Variants in THAP4 observed in about 807,000 individuals in gnomAD.
THAP4 encodes the protein THAP domain containing 4, also known as peroxynitrite isomerase THAP4.
THAP4 carries 18 observed loss-of-function variants against 48.1 expected under a neutral mutation model. The observed-to-expected ratio is 0.37, with a 90% CI of 0.26 to 0.56. THAP4 has a LOEUF of 0.56. Among genes scored for constraint, THAP4 ranks in the 20% least tolerant of loss-of-function variants. The pLI is 0.78. For synonymous variants in THAP4, 345 were observed against 324.9 expected, an observed-to-expected ratio of 1.06 and a Z score of -0.66; for missense variants, 656 against 774.9, an observed-to-expected ratio of 0.85 and a Z score of 1.82.
At chr2:241,606,701 G>A (rs2067188341) in intron 2 of THAP4, among the ~76,000 whole-genome samples, 1 of 152,186 alleles carries the variant, frequency 6.6e-6, no homozygotes, top group African/African-American at 2.4e-5. Flanking sequence ...TCCAACAGGG[G>A]CCAGGCAGGG....
intron 1 of THAP4, among the ~76,000 whole-genome samples, chr2:241,634,467 G>A (rs535133290): frequency 5.3e-5 from 8 of 152,308 alleles, no homozygotes; most frequent in East Asian, 3.9e-4. Flanking sequence ...TTGCCTGGAA[G>A]GTAGGACTCT....
intron 2 of THAP4, among the ~76,000 whole-genome samples, chr2:241,632,036 T>A (rs2067570008): frequency 6.6e-6 from 1 of 151,990 alleles, no homozygotes; most frequent in Admixed American, 6.6e-5. Flanking sequence ...GCCTCCTGAG[T>A]AGCTGGCATT....
intron 3 of THAP4, among the ~76,000 whole-genome samples, chr2:241,604,751 TCTCA>T (rs1253958951): frequency 6.6e-6 from 1 of 151,974 alleles, no homozygotes; most frequent in Non-Finnish European, 1.5e-5. Context: ...TTTTTTAGGG[TCTCA>T]CTGTGTTGCC....
chr2:241,637,538 C>A (rs751456913), upstream of THAP4: 198 of 1,453,206 alleles, frequency 1.4e-4, no homozygotes, highest in Non-Finnish European at 1.6e-4. Flanking sequence ...CCGGGGCTCG[C>A]GTCGGCCCGG....
In THAP4 at chr2:241,617,387, C is replaced by T; in HGVS notation, c.1241-10914G>A. On this transcript the variant is annotated intron_variant, in intron 2 of 5. Transcript: ENST00000407315. The stretch of plus-strand genomic sequence containing the variant: ...AGAAATTTAAATTTTCATGTTTTGG[C>T]CCAAGACACTGAAAGCAGGCTTACC... The T allele has an allele frequency of 2.7e-6, 4 of 1,488,344 alleles. No homozygotes were observed. The South Asian group carries it at 4.8e-5, about 18-fold the overall frequency. The allele number at this position is 1,488,344 out of a possible 1,614,324, so 92.2% of individuals were successfully genotyped here.
chr2:241,628,914 TG>T (rs2067525912), intron 2 of THAP4, among the ~76,000 whole-genome samples: 1 of 108,118 alleles, frequency 9.2e-6, no homozygotes, highest in Admixed American at 1.2e-4. Context: ...CACTCCAGTC[TG>T]AGATTGTCTC....
chr2:241,606,788 AG>A (rs1403209568), intron 2 of THAP4, among the ~76,000 whole-genome samples: 1 of 152,168 alleles, frequency 6.6e-6, no homozygotes, highest in Non-Finnish European at 1.5e-5. Flanking sequence ...GGTGGTGGGA[AG>A]GGATACTGAG....
At chr2:241,614,009 C>A (rs1473635804) in intron 2 of THAP4, among the ~76,000 whole-genome samples, 1 of 151,970 alleles carries the variant, frequency 6.6e-6, no homozygotes, top group Non-Finnish European at 1.5e-5. Flanking sequence ...AAAAAATTAG[C>A]CAGGCATGGT....
chr2:241,621,630 C>T (rs1261084374), intron 2 of THAP4, among the ~76,000 whole-genome samples: 1 of 151,854 alleles, frequency 6.6e-6, no homozygotes, highest in African/African-American at 2.4e-5. Flanking sequence ...AAAAAAAAAT[C>T]AGAATATTGG....
chr2:241,604,160 G>A (rs987645351), intron 3 of THAP4, among the ~76,000 whole-genome samples: 17 of 151,998 alleles, frequency 1.1e-4, no homozygotes, highest in African/African-American at 2.2e-4. Flanking sequence ...TGAAACCTCC[G>A]CTTCCTGGGT....
At chr2:241,614,750 G>A (rs563477989) in intron 2 of THAP4, among the ~76,000 whole-genome samples, 1 of 152,196 alleles carries the variant, frequency 6.6e-6, no homozygotes, top group African/African-American at 2.4e-5. Context: ...TTAGCCGGGT[G>A]TGGTGGTGCA....
Position 241,630,545 on chromosome 2 carries a change from G to A in THAP4, c.1240+2372C>T, listed in dbSNP as rs555668245. On this transcript the variant is annotated intron_variant, in intron 2 of 5. Transcript: ENST00000407315. ...AAATTCCAAGAGAAGCTGGGAGGCC[G>A]AGGCGGGTGGATCACCTGAGGTCGG... Among the ~76,000 whole-genome samples, 61 of 152,298 alleles carry A rather than the reference G, an allele frequency of 4.0e-4. No individual in the cohort carries two copies. In the East Asian group the frequency reaches 4.3e-3, roughly 11 times the overall value.
chr2:241,614,306 A>G (rs1159723613), intron 2 of THAP4, among the ~76,000 whole-genome samples: 1 of 152,200 alleles, frequency 6.6e-6, no homozygotes, highest in Admixed American at 6.5e-5. Context: ...AGGCTTCCCA[A>G]TCTTAGCATC....
chr2:241,592,947 T>G (rs2067004187), intron 5 of THAP4, among the ~76,000 whole-genome samples: 1 of 151,976 alleles, frequency 6.6e-6, no homozygotes, highest in Admixed American at 6.6e-5. Context: ...CCATGCATCT[T>G]AAAAGGAAAA....
intron 2 of THAP4, among the ~76,000 whole-genome samples, chr2:241,619,715 GGTGAGTGAGTCGGTGAGGGGTGA>G: frequency 6.8e-6 from 1 of 146,812 alleles, no homozygotes; most frequent in East Asian, 2.0e-4. Flanking sequence ...GTGAGTGAAG[GGTGAGTGAGTCGGTGAGGGGTGA>G]GTGAGGGGTG....
intron 2 of THAP4, among the ~76,000 whole-genome samples, chr2:241,629,989 C>T (rs1349558036): frequency 1.3e-5 from 2 of 152,136 alleles, no homozygotes; most frequent in South Asian, 2.1e-4. Flanking sequence ...TAGCACTACA[C>T]TGCAACAGTC....
At position 241,612,870 on chromosome 2, in the gene THAP4, T is replaced by C. The variant is rs2067294276; in HGVS notation, c.1241-6397A>G. Among the ~76,000 whole-genome samples, 1 of 152,196 alleles carries C rather than the reference T, an allele frequency of 6.6e-6. No individual in the cohort carries two copies. Among genetic ancestry groups the C allele is most frequent in the Non-Finnish European group, 1.5e-5 (1 of 68,038 alleles). On this transcript the variant is annotated intron_variant, in intron 2 of 5. Coordinates refer to ENST00000407315, the MANE Select transcript of THAP4 (RefSeq NM_015963.6). The surrounding 1 kb of genome is among the most constrained non-coding windows in gnomAD (Gnocchi z 4.1). ...GCGATCCTTCCAGATTGCAGGCGCGTGAGCTGGCTCACTGACACGTGCAGT... is the reference window on the plus strand; with the variant it reads ...GCGATCCTTCCAGATTGCAGGCGCGCGAGCTGGCTCACTGACACGTGCAGT...
In THAP4 at chr2:241,634,095, C is replaced by T. The variant is rs755662136; in HGVS notation, c.78-16G>A. ...TAGGGGGAACCTACAGGACAAATGA[C>T]AAAAAGTAATTAGAAATAATTAAAT... On this transcript the variant is annotated splice_polypyrimidine_tract_variant and intron_variant, in intron 1 of 5. Coordinates refer to ENST00000407315, the MANE Select transcript of THAP4 (RefSeq NM_015963.6). 6.6e-7 allele frequency: 1 copy of T among 1,504,000 alleles called. No homozygotes were observed. The highest frequency in any genetic ancestry group is 1.3e-5 in the South Asian group (1 of 76,418). 93.2% of individuals were successfully genotyped at this position (1,504,000 alleles called of 1,614,324 possible).
At chr2:241,613,313 A>C (rs1001613802) in intron 2 of THAP4, among the ~76,000 whole-genome samples, 1 of 152,088 alleles carries the variant, frequency 6.6e-6, no homozygotes, top group Admixed American at 6.5e-5. Flanking sequence ...CAACAAAAAA[A>C]AACTGGTTAT....
Sources: gnomAD v4.1 joint callset for allele counts (sites outside exome capture counted in the v4.1 genomes callset) on GRCh38, gnomAD v4.1.1 for gene constraint, Gnocchi (gnomAD v3.1) non-coding constraint, MANE v1.5 for transcripts, NCBI Gene and HGNC (gene_info 2026-07-23, HGNC 2026-07-21) for gene names.